Variants in PRDM4 observed in about 807,000 individuals in gnomAD.
PRDM4 encodes PR/SET domain 4, also known as PR domain zinc finger protein 4.
Under a neutral mutation model 62.3 loss-of-function variants are expected in PRDM4, and 38 were observed. That is an observed-to-expected ratio of 0.61 (90% confidence interval 0.47 to 0.80). PRDM4 has a LOEUF of 0.80. PRDM4 is among the 30% of genes least tolerant of loss of function. The pLI is 0.00. For missense variants in PRDM4, 858 were observed against 997.1 expected, an observed-to-expected ratio of 0.86 and a Z score of 1.88; for synonymous variants, 339 against 348.2, an observed-to-expected ratio of 0.97 and a Z score of 0.30.
intron 5 of PRDM4, among the ~76,000 whole-genome samples, chr12:107,750,335 G>C (rs1041529425): frequency 6.6e-6 from 1 of 152,154 alleles, no homozygotes; most frequent in African/African-American, 2.4e-5. Context: ...TGCTTGAGTC[G>C]AGTTCAAGAC....
chr12:107,745,576 T>G (rs960219297), intron 6 of PRDM4, among the ~76,000 whole-genome samples: 3 of 152,098 alleles, frequency 2.0e-5, no homozygotes, highest in African/African-American at 7.2e-5. Context: ...TGAGACCCAG[T>G]CTCTTAAAAA....
At position 107,751,817 on chromosome 12, in the gene PRDM4, T is replaced by G. The variant is rs753649728; in HGVS notation, c.724A>C (p.Asn242His). ...HEPLSVDSVS[N>H]NLAADAVGHG... Reference sequence around the variant, plus strand: ...CCTACAGCGTCTGCTGCAAGGTTGTTGCTCACAGAATCCACAGACAGAGGT... The same window carrying G: ...CCTACAGCGTCTGCTGCAAGGTTGTGGCTCACAGAATCCACAGACAGAGGT... Residue 242 changes from asparagine to histidine, a missense_variant, in exon 5 of 12, where the codon AAC (asparagine) becomes CAC (histidine). Around this residue, in one of 3 missense-constraint regions of PRDM4, gnomAD observed 499 missense variants for 546.7 expected, o/e 0.91. Transcript: ENST00000228437. 2.7e-5 allele frequency: 43 copies of G among 1,614,138 alleles called. 1 individual carries two copies. In the Admixed American group the frequency reaches 4.0e-4, roughly 15 times the overall value.
chr12:107,753,150 T>C (rs886515599), intron 4 of PRDM4, among the ~76,000 whole-genome samples: 15 of 152,170 alleles, frequency 9.9e-5, no homozygotes, highest in African/African-American at 3.1e-4. Flanking sequence ...CGTGGGCGGA[T>C]GGCTTCAGCG....
At chr12:107,742,195 T>C (rs1156475515) in intron 9 of PRDM4, 26 bp downstream of exon 9, 2 of 1,597,120 alleles carry the variant, frequency 1.3e-6, no homozygotes, top group Non-Finnish European at 1.7e-6. Context: ...CTAAGCCAGA[T>C]TCATTATAAA....
intron 2 of PRDM4, among the ~76,000 whole-genome samples, 159 bp downstream of exon 2, chr12:107,760,346 A>G (rs2136339876): frequency 6.6e-6 from 1 of 152,342 alleles, no homozygotes; most frequent in Non-Finnish European, 1.5e-5. Context: ...GATGCATGAG[A>G]TTACATTCCA....
At chr12:107,752,350 T>C in intron 4 of PRDM4, 141 bp from the exon 5 acceptor site, 1 of 687,066 alleles carries the variant, frequency 1.5e-6, no homozygotes, top group Non-Finnish European at 2.4e-6. Context: ...CACACTATTT[T>C]ATAAATAGCA....
chr12:107,753,359 T>C (rs1361576522), intron 4 of PRDM4, among the ~76,000 whole-genome samples: 5 of 145,724 alleles, frequency 3.4e-5, no homozygotes, highest in African/African-American at 1.0e-4. Flanking sequence ...TAGTTGAGAC[T>C]CCGTCTCCAT....
intron 2 of PRDM4, among the ~76,000 whole-genome samples, chr12:107,758,976 T>G (rs1593179402): frequency 6.6e-6 from 1 of 152,206 alleles, no homozygotes; most frequent in South Asian, 2.1e-4. Context: ...TATTATGCTA[T>G]AAAATAAAGC....
At chr12:107,758,235 C>CTT (rs1891120941) in intron 2 of PRDM4, 3 of 122,968 alleles carry the variant, frequency 2.4e-5, no homozygotes, top group Non-Finnish European at 3.3e-5. Flanking sequence ...CTCTCTTAAT[C>CTT]TTCTTTTTTT....
chr12:107,756,656 C>T (rs916538217), intron 3 of PRDM4, among the ~76,000 whole-genome samples, 176 bp downstream of exon 3: 2 of 152,190 alleles, frequency 1.3e-5, no homozygotes, highest in Non-Finnish European at 2.9e-5. Flanking sequence ...TAATACTCTA[C>T]CTCTACAAAA....
chr12:107,760,597 C>G lies in PRDM4; in HGVS notation c.-82G>C. The G allele has an allele frequency of 6.5e-7, 1 of 1,549,478 alleles. No individual in the cohort carries two copies. Among genetic ancestry groups the G allele is most frequent in the Non-Finnish European group, 8.8e-7 (1 of 1,134,854 alleles). ...AGGGTTTGCGTTCCAGGGTCACGTG[C>G]TACCACATCTTGCTCACAACCGCTG... On this transcript the variant is annotated 5_prime_UTR_variant, in exon 2 of 12. An upstream open reading frame in the 5' UTR loses its in-frame stop. Transcript: ENST00000228437.
intron 11 of PRDM4, among the ~76,000 whole-genome samples, chr12:107,736,323 T>G (rs1417007237): frequency 2.6e-5 from 4 of 152,110 alleles, no homozygotes; most frequent in African/African-American, 7.2e-5. Flanking sequence ...GGTCCTATTT[T>G]AGATAAGATA....
chr12:107,740,546 A>G (rs1283978233), intron 10 of PRDM4, among the ~76,000 whole-genome samples: 2 of 151,914 alleles, frequency 1.3e-5, no homozygotes, highest in African/African-American at 4.8e-5. Context: ...TTTGCATGGG[A>G]TTTAGAAAAT....
intron 7 of PRDM4, among the ~76,000 whole-genome samples, chr12:107,744,272 A>T (rs556145520): frequency 6.6e-6 from 1 of 152,358 alleles, no homozygotes; most frequent in South Asian, 2.1e-4. Context: ...ATTCAAATGC[A>T]TTAAATGGTT....
chr12:107,751,524 C>G lies in PRDM4; in HGVS notation c.1017G>C (p.Gly339=), dbSNP rs1234533257. 4 of 1,612,760 alleles carry G rather than the reference C, an allele frequency of 2.5e-6. No homozygotes were observed. The South Asian group carries it at 3.3e-5, about 13-fold the overall frequency. ...VSSITQEVAM[G]TGHVDVSSDS... The stretch of plus-strand genomic sequence containing the variant: ...CTGAAGATACATCTACATGACCTGT[C>G]CCCATAGCAACCTCCTGGGTGATGG... Residue 339 remains glycine, a synonymous_variant, in exon 5 of 12, where the codon GGG becomes GGC. Transcript: ENST00000228437.
At chr12:107,746,138 C>T in intron 6 of PRDM4, 137 bp downstream of exon 6, 1 of 1,056,370 alleles carries the variant, frequency 9.5e-7, no homozygotes, top group South Asian at 1.5e-5. Flanking sequence ...GACTAATATT[C>T]CATAAAAGCA....
intron 11 of PRDM4, among the ~76,000 whole-genome samples, chr12:107,737,437 C>G (rs1890369340): frequency 6.6e-6 from 1 of 152,040 alleles, no homozygotes. Flanking sequence ...CCAAAACCTT[C>G]TTTCTATCCC....
At chr12:107,751,392 A>C (rs771570471) in intron 5 of PRDM4, 23 bp downstream of exon 5, 27 of 1,575,906 alleles carry the variant, frequency 1.7e-5, no homozygotes, top group Non-Finnish European at 2.3e-5. Flanking sequence ...TATTTCCAAA[A>C]AAGAAAGGCT....
chr12:107,758,701 G>A (rs796466018), intron 2 of PRDM4, among the ~76,000 whole-genome samples: 8 of 152,274 alleles, frequency 5.3e-5, no homozygotes, highest in African/African-American at 1.2e-4. Flanking sequence ...ATATTGTGGC[G>A]TATATTTAAA....
Sources: gnomAD v4.1 joint callset for allele counts (sites outside exome capture counted in the v4.1 genomes callset) on GRCh38, gnomAD v4.1.1 for gene constraint, gnomAD v4.1.1 regional missense constraint, MANE v1.5 for transcripts, NCBI Gene and HGNC (gene_info 2026-07-23, HGNC 2026-07-21) for gene names.